MMP16: variants seen among roughly 807,000 people sequenced by gnomAD.
MMP16 encodes matrix metallopeptidase 16.
Under a neutral mutation model 67.8 loss-of-function variants are expected in MMP16, and 12 were observed. That is an observed-to-expected ratio of 0.18 (90% CI 0.11 to 0.29). The LOEUF (loss-of-function observed/expected upper bound fraction) is 0.29. Ranked by LOEUF, MMP16 falls within the 10% of genes least tolerant of loss-of-function variation. MMP16 has a pLI of 1.00. For missense variants in MMP16, 475 were observed against 765.7 expected (o/e 0.62, Z 4.48); for synonymous variants, 249 against 255.9 (o/e 0.97, Z 0.26).
chr8:88,100,927 T>C (rs565129865), intron 6 of MMP16, among the ~76,000 whole-genome samples: 1 of 135,798 alleles, frequency 7.4e-6, no homozygotes, highest in African/African-American at 2.8e-5. Flanking sequence ...AATTGAACCA[T>C]GAGAACACTT....
intron 2 of MMP16, among the ~76,000 whole-genome samples, chr8:88,191,112 T>C (rs969215647): frequency 1.2e-4 from 18 of 152,174 alleles, no homozygotes; most frequent in African/African-American, 4.3e-4. Flanking sequence ...GGGCAGATCA[T>C]TAATGTCCTT....
intron 1 of MMP16, among the ~76,000 whole-genome samples, chr8:88,298,071 T>C (rs1275600076): frequency 6.6e-6 from 1 of 152,050 alleles, no homozygotes; most frequent in African/African-American, 2.4e-5. Context: ...GATGGCTAAA[T>C]AAATTAAAAA....
At chr8:88,132,070 G>GT (rs567603994) in intron 4 of MMP16, among the ~76,000 whole-genome samples, 57 of 151,778 alleles carry the variant, frequency 3.8e-4, no homozygotes, top group Middle Eastern at 6.8e-3. Context: ...GCTCTATTTT[G>GT]TTAGTTATCC....
At chr8:88,302,603 A>G (rs1400318369) in intron 1 of MMP16, among the ~76,000 whole-genome samples, 1 of 152,190 alleles carries the variant, frequency 6.6e-6, no homozygotes, top group East Asian at 1.9e-4. Context: ...GAAGGGGATG[A>G]AAAAAAGTAG....
chr8:88,103,439 A>G (rs1369576481), intron 6 of MMP16, among the ~76,000 whole-genome samples: 1 of 151,884 alleles, frequency 6.6e-6, no homozygotes. Context: ...AAGCGAATGA[A>G]TAAAAGATTA....
At chr8:88,053,501 A>G (rs1306701419) in intron 8 of MMP16, among the ~76,000 whole-genome samples, 2 of 152,204 alleles carry the variant, frequency 1.3e-5, no homozygotes, top group Non-Finnish European at 2.9e-5. Context: ...GAGACTCACT[A>G]AAATCCTTTT....
chr8:88,244,399 T>A (rs1031328717), intron 1 of MMP16, among the ~76,000 whole-genome samples: 3 of 152,184 alleles, frequency 2.0e-5, no homozygotes, highest in African/African-American at 7.2e-5. Context: ...ACTCTGGCAA[T>A]GAAATACTGA....
chr8:88,090,223 T>C (rs528197716), intron 6 of MMP16, among the ~76,000 whole-genome samples: 1 of 151,966 alleles, frequency 6.6e-6, no homozygotes, highest in Non-Finnish European at 1.5e-5. Flanking sequence ...TGGTAATTAG[T>C]TTTATAAACA....
intron 1 of MMP16, among the ~76,000 whole-genome samples, chr8:88,303,785 A>C (rs1044852230): frequency 1.6e-4 from 24 of 152,200 alleles, no homozygotes; most frequent in South Asian, 4.1e-4. Flanking sequence ...AAAAACCCTC[A>C]CAGAAAACCC....
chr8:88,117,939 A>C (rs1033108856), intron 5 of MMP16, among the ~76,000 whole-genome samples: 4 of 152,066 alleles, frequency 2.6e-5, no homozygotes, highest in Non-Finnish European at 5.9e-5. Flanking sequence ...GTAAATTATA[A>C]ATGTCAAGTT....
At chr8:88,318,409 T>C (rs973053774) in intron 1 of MMP16, among the ~76,000 whole-genome samples, 4 of 152,130 alleles carry the variant, frequency 2.6e-5, no homozygotes, top group Admixed American at 2.6e-4. Flanking sequence ...CCTTATTCAG[T>C]TTTTAGTCCA....
intron 1 of MMP16, among the ~76,000 whole-genome samples, chr8:88,293,902 T>G (rs898250440): frequency 1.3e-5 from 2 of 152,098 alleles, no homozygotes; most frequent in Admixed American, 1.3e-4. Context: ...CCAGACACTT[T>G]TCTGGATGCT....
intron 4 of MMP16, among the ~76,000 whole-genome samples, chr8:88,133,700 A>G (rs1429007185): frequency 2.6e-5 from 4 of 151,860 alleles, no homozygotes; most frequent in Non-Finnish European, 5.9e-5. Context: ...ATAATGATGC[A>G]GAATTAAATA....
chr8:88,057,496 C>T (rs1808346307), intron 7 of MMP16, among the ~76,000 whole-genome samples: 1 of 152,136 alleles, frequency 6.6e-6, no homozygotes, highest in Non-Finnish European at 1.5e-5. Context: ...CCAGCATTGT[C>T]TTGGATCTCT....
At position 88,058,857 on chromosome 8, in the gene MMP16, G is replaced by A. The variant is rs75511850; in HGVS notation, c.1223-2579C>T. ...TTAAATCAAAAAGTTCTTTGACAGT[G>A]GTTTGGACCAACACAGCAGAAATAG... is the stretch of plus-strand genomic sequence containing the variant. On this transcript the variant is annotated intron_variant, in intron 7 of 9. Coordinates refer to ENST00000286614, the MANE Select transcript of MMP16 (RefSeq NM_005941.5). The surrounding 1 kb of genome is among the most constrained non-coding windows in gnomAD (Gnocchi z 4.2). Among the ~76,000 whole-genome samples, 10,034 of 152,064 alleles carry A rather than the reference G, an allele frequency of 0.066. 487 individuals carry two copies. Among genetic ancestry groups the A allele is most frequent in the East Asian group, 0.28 (1,447 of 5,158 alleles).
At chr8:88,046,066 G>A (rs980184454) in intron 9 of MMP16, among the ~76,000 whole-genome samples, 5 of 152,156 alleles carry the variant, frequency 3.3e-5, no homozygotes, top group Non-Finnish European at 7.3e-5. Context: ...AGATAGGGGA[G>A]TATGGATTAT....
chr8:88,319,523 C>A (rs947140883), intron 1 of MMP16, among the ~76,000 whole-genome samples: 2 of 151,632 alleles, frequency 1.3e-5, no homozygotes, highest in Non-Finnish European at 2.9e-5. Flanking sequence ...GACATTAGAA[C>A]CTAAAATAAA....
At chr8:88,050,567 T>C (rs1808257252) in intron 8 of MMP16, among the ~76,000 whole-genome samples, 1 of 152,180 alleles carries the variant, frequency 6.6e-6, no homozygotes, top group Admixed American at 6.5e-5. Context: ...TATTACAATG[T>C]TCTCTATAAT....
intron 1 of MMP16, among the ~76,000 whole-genome samples, chr8:88,276,056 T>C (rs1268132672): frequency 6.6e-6 from 1 of 152,084 alleles, no homozygotes; most frequent in East Asian, 1.9e-4. Flanking sequence ...TGTACATGTA[T>C]TTTAAGACTA....
Sources: allele counts gnomAD v4.1 joint callset (sites outside exome capture counted in the v4.1 genomes callset), GRCh38; gene constraint gnomAD v4.1.1; non-coding constraint Gnocchi (gnomAD v3.1); transcripts MANE v1.5; gene names NCBI Gene and HGNC (gene_info 2026-07-23, HGNC 2026-07-21).